Variants in TESC observed in about 807,000 individuals in gnomAD.
TESC encodes tescalcin, also known as calcineurin B homologous protein 3.
TESC carries 19 observed loss-of-function variants against 31.0 expected under a neutral mutation model. The ratio of observed to expected loss-of-function variants is 0.61; its 90% CI spans 0.43 to 0.90. The LOEUF is 0.90. Ranked by LOEUF, TESC falls within the 40% of genes least tolerant of loss-of-function variation. The pLI is 0.00. For synonymous variants in TESC, 109 were observed against 114.8 expected (o/e 0.95, Z 0.32); for missense variants, 248 against 303.8 (o/e 0.82, Z 1.36).
chr12:117,039,084 G>T lies in TESC; in HGVS notation c.*49C>A. The T allele has an allele frequency of 6.3e-7, 1 of 1,599,726 alleles. No individual in the cohort carries two copies. ...GCCTGGGCTGCTCCAGCTACGCGGG[G>T]AGGCGGCCCCATTGCAAAGTGCAGT... On this transcript the variant is annotated 3_prime_UTR_variant, in exon 8 of 8. Coordinates refer to ENST00000335209, the MANE Select transcript of TESC (RefSeq NM_017899.4).
chr12:117,091,207 G>C (rs963821572), intron 1 of TESC, among the ~76,000 whole-genome samples: 1 of 152,220 alleles, frequency 6.6e-6, no homozygotes, highest in Non-Finnish European at 1.5e-5. Flanking sequence ...GGCAGGACCA[G>C]GGGTGCCCAG....
In TESC at chr12:117,048,784, C is replaced by G. The variant is rs1224582777; in HGVS notation, c.349+235G>C. 5.8e-6 allele frequency: 4 copies of G among 685,464 alleles called. No homozygotes were observed. In the South Asian group the frequency reaches 6.0e-5, roughly 10 times the overall value. 42.5% of individuals were successfully genotyped at this position (685,464 alleles called of 1,614,324 possible). A position where few individuals can be genotyped will look rare whatever the true frequency, so the allele number is the denominator to read the frequency against. ...CCTTGTTTCACATCCACCGCACAAC[C>G]CCCTTCTAGTCCCAGGAAGCCACAA... On this transcript the variant is annotated intron_variant, in intron 4 of 7. Transcript: ENST00000335209.
rs1280824224 is a variant in TESC, at chr12:117,075,921, GTGTA to G, written c.59-585_59-582del. Among the ~76,000 whole-genome samples the G allele has an allele frequency of 1.4e-3, 111 of 79,848 alleles. 4 individuals are homozygous for G. The highest frequency in any genetic ancestry group is 2.0e-3 in the Non-Finnish European group (91 of 44,928). The allele number at this position is 79,848 out of a possible 152,430, so 52.4% of individuals were successfully genotyped here. A position where few individuals can be genotyped will look rare whatever the true frequency, so the allele number is the denominator to read the frequency against. On this transcript the variant is annotated intron_variant, in intron 1 of 7. Transcript: ENST00000335209. ...TATATATATATATATATATGTGTGTGTGTATATATATATATATATGTATATATAC... is the reference window on the plus strand; with the variant it reads ...TATATATATATATATATATGTGTGTGTATATATATATATATGTATATATAC...
rs919749165 is a variant in TESC, at chr12:117,064,941, G to A, written c.129-8055C>T. ...CCCAGAGCCCAGGCTCAAAAACCCT[G>A]CTCTAGGGGAAAAGCATTCTAAGAA... On this transcript the variant is annotated intron_variant, in intron 2 of 7. Coordinates refer to ENST00000335209, the MANE Select transcript of TESC (RefSeq NM_017899.4). 3.7e-4 allele frequency among the ~76,000 whole-genome samples: 56 copies of A among 152,180 alleles called. 1 individual carries two copies. The highest frequency in any genetic ancestry group is 1.4e-3 in the African/African-American group (56 of 41,418).
At chr12:117,072,919 A>G (rs942129680) in intron 2 of TESC, among the ~76,000 whole-genome samples, 1 of 152,212 alleles carries the variant, frequency 6.6e-6, no homozygotes, top group African/African-American at 2.4e-5. Flanking sequence ...CCAGAGCTAC[A>G]TGTGTGCATC....
At chr12:117,074,876 T>C (rs1366177102) in intron 2 of TESC, among the ~76,000 whole-genome samples, 2 of 152,156 alleles carry the variant, frequency 1.3e-5, no homozygotes, top group Non-Finnish European at 2.9e-5. Context: ...ACAACTACAG[T>C]TGGCTCACGC....
At chr12:117,053,373 C>A (rs912592440) in intron 3 of TESC, among the ~76,000 whole-genome samples, 1 of 152,186 alleles carries the variant, frequency 6.6e-6, no homozygotes, top group African/African-American at 2.4e-5. Flanking sequence ...CTCGGCTGTT[C>A]ATGGAAAACA....
chr12:117,055,522 A>G (rs1592999820), intron 3 of TESC, among the ~76,000 whole-genome samples: 1 of 152,350 alleles, frequency 6.6e-6, no homozygotes, highest in East Asian at 1.9e-4. Flanking sequence ...TGGTAGTCAC[A>G]TCCCTGTGCT....
intron 1 of TESC, among the ~76,000 whole-genome samples, chr12:117,075,780 T>G (rs1348346408): frequency 1.4e-5 from 2 of 147,290 alleles, no homozygotes; most frequent in African/African-American, 5.0e-5. Flanking sequence ...TCCTCCCACC[T>G]TGGCCTCCTG....
rs138986887 is a variant in TESC, at chr12:117,073,332, G to A, written c.128+1939C>T. Among the ~76,000 whole-genome samples, 12 of 152,304 alleles carry A rather than the reference G, an allele frequency of 7.9e-5. No homozygotes were observed. The East Asian group carries it at 2.3e-3, about 29-fold the overall frequency. On this transcript the variant is annotated intron_variant, in intron 2 of 7. Coordinates refer to ENST00000335209, the MANE Select transcript of TESC (RefSeq NM_017899.4). Reference sequence around the variant, plus strand: ...AGAAGCCAGGTGACTCTTCCGCTGGGCTCAGGTTCTCTCTCCTCCACTGGG... The same window carrying A: ...AGAAGCCAGGTGACTCTTCCGCTGGACTCAGGTTCTCTCTCCTCCACTGGG...
chr12:117,043,112 T>A (rs1954508445), intron 6 of TESC, among the ~76,000 whole-genome samples: 1 of 151,930 alleles, frequency 6.6e-6, no homozygotes, highest in South Asian at 2.1e-4. Flanking sequence ...CGCAAACCTT[T>A]CCTCAGACTG....
At position 117,041,419 on chromosome 12, in the gene TESC, A is replaced by AC. The variant is rs542349791; in HGVS notation, c.567+527dup. 7.0e-3 allele frequency among the ~76,000 whole-genome samples: 1,059 copies of AC among 151,104 alleles called. 14 individuals carry two copies. The highest frequency in any genetic ancestry group is 0.025 in the African/African-American group (1,010 of 41,096). ...GCAATCTCAGCTTACTGCAACCTCT[A>AC]CCTCCTGGATTCAAGCGATCCTCCC... is the stretch of plus-strand genomic sequence containing the variant. On this transcript the variant is annotated intron_variant, in intron 7 of 7. Transcript: ENST00000335209.
At chr12:117,097,720 A>T (rs922967823) in intron 1 of TESC, among the ~76,000 whole-genome samples, 1 of 151,242 alleles carries the variant, frequency 6.6e-6, no homozygotes, top group African/African-American at 2.4e-5. Flanking sequence ...GAAAAAGCTC[A>T]CTCTCCCTTC....
chr12:117,054,856 C>T (rs113908991), intron 3 of TESC, among the ~76,000 whole-genome samples: 3,256 of 152,232 alleles, frequency 0.021, 66 homozygotes, highest in African/African-American at 0.048. Flanking sequence ...ACATGGGGAC[C>T]GTGGGGCAAA....
chr12:117,053,377 G>A (rs184364821), intron 3 of TESC, among the ~76,000 whole-genome samples: 1 of 152,164 alleles, frequency 6.6e-6, no homozygotes, highest in African/African-American at 2.4e-5. Context: ...GCTGTTCATG[G>A]AAAACAGCCT....
intron 1 of TESC, among the ~76,000 whole-genome samples, chr12:117,082,331 C>A (rs1231353690): frequency 6.6e-6 from 1 of 151,902 alleles, no homozygotes; most frequent in South Asian, 2.1e-4. Flanking sequence ...TGGTAAAACC[C>A]CATCTCTACT....
intron 1 of TESC, among the ~76,000 whole-genome samples, chr12:117,091,957 G>T (rs540703518): frequency 2.0e-5 from 3 of 152,154 alleles, no homozygotes; most frequent in Non-Finnish European, 4.4e-5. Flanking sequence ...CGGGAGAGGC[G>T]GTTTCTCCCG....
chr12:117,046,257 G>A (rs7953553), intron 6 of TESC, among the ~76,000 whole-genome samples: 65,474 of 152,124 alleles, frequency 0.43, 16,133 homozygotes, highest in African/African-American at 0.68. Flanking sequence ...AGGGTCAAGT[G>A]CTGCTGTGAG....
chr12:117,056,372 T>A (rs746914284), intron 3 of TESC, among the ~76,000 whole-genome samples: 2 of 152,102 alleles, frequency 1.3e-5, no homozygotes, highest in Non-Finnish European at 2.9e-5. Context: ...TTTTCTTTTT[T>A]AAAAAGTCTT....
Sources: gnomAD v4.1 joint callset for allele counts (sites outside exome capture counted in the v4.1 genomes callset) on GRCh38, gnomAD v4.1.1 for gene constraint, MANE v1.5 for transcripts, NCBI Gene and HGNC (gene_info 2026-07-23, HGNC 2026-07-21) for gene names.